The following NUDT7 variants were observed in gnomAD, a reference collection of about 807,000 sequenced individuals.
NUDT7 encodes the protein nudix hydrolase 7.
NUDT7 carries 19 observed loss-of-function variants against 13.1 expected under a neutral mutation model. The ratio of observed to expected loss-of-function variants is 1.45; its 90% CI spans 1.01 to 2.13. The LOEUF (loss-of-function observed/expected upper bound fraction) is 2.13. NUDT7 is among the 30% of genes most tolerant of loss of function. The pLI is 0.00. For missense variants in NUDT7, 360 were observed against 291.7 expected (o/e 1.23, Z -1.71); for synonymous variants, 132 against 109.7 (o/e 1.20, Z -1.27).
chr16:77,731,428 A>T (rs1210756295), intron 2 of NUDT7, among the ~76,000 whole-genome samples: 2 of 152,226 alleles, frequency 1.3e-5, no homozygotes, highest in Admixed American at 1.3e-4. Flanking sequence ...CATAGCAGTC[A>T]TAATGTCATA....
chr16:77,725,186 C>T (rs961879016), intron 1 of NUDT7, among the ~76,000 whole-genome samples: 5 of 152,164 alleles, frequency 3.3e-5, no homozygotes, highest in African/African-American at 7.2e-5. Flanking sequence ...TTTTACCATA[C>T]TTTATGTTTC....
At chr16:77,729,972 C>G (rs971326946) in intron 2 of NUDT7, among the ~76,000 whole-genome samples, 19 of 118,874 alleles carry the variant, frequency 1.6e-4, no homozygotes, top group African/African-American at 6.9e-4. Context: ...AACATATTAC[C>G]ACACACATTA....
intron 2 of NUDT7, among the ~76,000 whole-genome samples, chr16:77,730,050 C>T (rs966483901): frequency 2.0e-5 from 3 of 152,092 alleles, no homozygotes; most frequent in Non-Finnish European, 4.4e-5. Flanking sequence ...CACATTACCT[C>T]ACATAGTAAC....
At position 77,738,425 on chromosome 16, in the gene NUDT7, T is replaced by C. The variant is rs370906805; in HGVS notation, c.348+2439T>C. Among the ~76,000 whole-genome samples, 179 of 152,330 alleles carry C rather than the reference T, an allele frequency of 1.2e-3. 2 individuals carry two copies. Among genetic ancestry groups the C allele is most frequent in the African/African-American group, 4.1e-3 (170 of 41,578 alleles). The stretch of plus-strand genomic sequence containing the variant: ...TTAAAAAGTCTGCTTTGTTTGGAAG[T>C]GCAAGGGAGGGTTGCTTTGTTTTTT... On this transcript the variant is annotated intron_variant, in intron 3 of 3. Transcript: ENST00000268533.
intron 2 of NUDT7, among the ~76,000 whole-genome samples, chr16:77,726,278 G>A (rs1364552915): frequency 6.6e-6 from 1 of 152,144 alleles, no homozygotes; most frequent in African/African-American, 2.4e-5. Context: ...GCTTCATACA[G>A]CTGCTATGAA....
chr16:77,736,570 A>C (rs2014490817), intron 3 of NUDT7: 1 of 186,012 alleles, frequency 5.4e-6, no homozygotes, highest in Admixed American at 5.5e-5. Context: ...ATACATCAAA[A>C]CATTTAAAAT....
chr16:77,736,603 G>A, intron 3 of NUDT7: 1 of 196,298 alleles, frequency 5.1e-6, no homozygotes, highest in Admixed American at 5.3e-5. Flanking sequence ...GAATTTTGGA[G>A]CTGAGATAAC....
chr16:77,726,835 G>T (rs1322139009), intron 2 of NUDT7, among the ~76,000 whole-genome samples: 2 of 152,020 alleles, frequency 1.3e-5, no homozygotes, highest in Non-Finnish European at 2.9e-5. Flanking sequence ...ATCTGAGTCT[G>T]GGTAATTTAT....
intron 3 of NUDT7, among the ~76,000 whole-genome samples, chr16:77,738,993 T>C (rs2014575063): frequency 6.6e-6 from 1 of 152,212 alleles, no homozygotes; most frequent in Non-Finnish European, 1.5e-5. Context: ...CAGAGGGTGC[T>C]GGGAACTAGA....
In NUDT7 at chr16:77,742,006, G is replaced by T. The variant is rs115415384; in HGVS notation, c.*56G>T. The stretch of plus-strand genomic sequence containing the variant: ...ACGAGGATTCTGTGTGTGCTTATTC[G>T]TAGAACAACAACAATGCCAGCTGTT... On this transcript the variant is annotated 3_prime_UTR_variant, in exon 4 of 4. Transcript: ENST00000268533. The T allele has an allele frequency of 1.3e-6, 2 of 1,507,952 alleles. No homozygotes were observed. The highest frequency in any genetic ancestry group is 4.5e-5 in the East Asian group (2 of 44,012). 93.4% of individuals were successfully genotyped at this position (1,507,952 alleles called of 1,614,324 possible). A position where few individuals can be genotyped will look rare whatever the true frequency, so the allele number is the denominator to read the frequency against.
At chr16:77,722,849 G>T (rs962437838) in intron 1 of NUDT7, among the ~76,000 whole-genome samples, 1 of 152,152 alleles carries the variant, frequency 6.6e-6, no homozygotes, top group African/African-American at 2.4e-5. Context: ...CATACACGCT[G>T]CTCCCCTTCC....
chr16:77,731,512 G>C (rs1200058926), intron 2 of NUDT7, among the ~76,000 whole-genome samples: 1 of 152,150 alleles, frequency 6.6e-6, no homozygotes, highest in Non-Finnish European at 1.5e-5. Flanking sequence ...TGGTCTAAAA[G>C]TGTAGCACAT....
At chr16:77,731,557 T>C (rs569561950) in intron 2 of NUDT7, among the ~76,000 whole-genome samples, 1 of 152,214 alleles carries the variant, frequency 6.6e-6, no homozygotes, top group African/African-American at 2.4e-5. Context: ...TTGATAATGA[T>C]AAAAAATGAC....
chr16:77,738,118 G>A (rs2014547696), intron 3 of NUDT7, among the ~76,000 whole-genome samples: 1 of 152,174 alleles, frequency 6.6e-6, no homozygotes, highest in African/African-American at 2.4e-5. Flanking sequence ...TTTCCATTTG[G>A]TTTTCTAATG....
intron 2 of NUDT7, among the ~76,000 whole-genome samples, chr16:77,734,755 C>T (rs200686029): frequency 6.6e-6 from 1 of 152,004 alleles, no homozygotes; most frequent in East Asian, 1.9e-4. Context: ...ACATGAAGAA[C>T]CTCAAAAACA....
rs907830788 is a variant in NUDT7 at position 77,735,837 on chromosome 16, G to T, written c.199G>T (p.Ala67Ser). Residue 67 changes from alanine to serine, a missense_variant, in exon 3 of 4, where the codon GCC becomes TCC. Ala to Ser is a moderately conservative substitution (Grantham distance 99). Coordinates refer to ENST00000268533, the MANE Select transcript of NUDT7 (RefSeq NM_001105663.3). ...TTCTTTCTATATCCAGCTAAGAAGG[G>T]CCCCTGGAGAAGTTTGCTTCCCTGG... ...FTVRSEKLRR[A>S]PGEVCFPGGK... The T allele has an allele frequency of 6.2e-7, 1 of 1,613,356 alleles. No homozygotes were observed. The highest frequency in any genetic ancestry group is 1.7e-5 in the Admixed American group (1 of 59,982).
chr16:77,735,608 G>A (rs2014454475), intron 2 of NUDT7: 2 of 587,034 alleles, frequency 3.4e-6, no homozygotes, highest in African/African-American at 1.9e-5. Context: ...TATCTTTTGG[G>A]GACAAATAGA....
At chr16:77,731,673 G>A (rs1034665056) in intron 2 of NUDT7, among the ~76,000 whole-genome samples, 1 of 151,948 alleles carries the variant, frequency 6.6e-6, no homozygotes, top group African/African-American at 2.4e-5. Context: ...CCTTAGTAAG[G>A]TCCTTCAGGA....
intron 2 of NUDT7, among the ~76,000 whole-genome samples, chr16:77,727,632 A>C (rs1301874813): frequency 6.6e-6 from 1 of 152,350 alleles, no homozygotes; most frequent in African/African-American, 2.4e-5. Flanking sequence ...AGGTGGGCGG[A>C]TCACCTGAGG....
Sources: allele counts gnomAD v4.1 joint callset (sites outside exome capture counted in the v4.1 genomes callset), GRCh38; gene constraint gnomAD v4.1.1; transcripts MANE v1.5; gene names NCBI Gene and HGNC (gene_info 2026-07-23, HGNC 2026-07-21).